RAB5A: variants seen among roughly 807,000 people sequenced by gnomAD.
RAB5A encodes RAB5A, member RAS oncogene family, also known as ras-related protein Rab-5A.
Under a neutral mutation model 25.7 loss-of-function variants are expected in RAB5A, and 8 were observed. The ratio of observed to expected loss-of-function variants is 0.31; its 90% CI spans 0.18 to 0.56. The LOEUF is 0.56. RAB5A is among the 20% of genes least tolerant of loss of function. The pLI is 0.91. For missense variants in RAB5A, 192 were observed against 259.7 expected (o/e 0.74, Z 1.79); for synonymous variants, 98 against 89.8 (o/e 1.09, Z -0.52).
intron 2 of RAB5A, among the ~76,000 whole-genome samples, chr3:19,967,406 A>G (rs1358313380): frequency 6.6e-6 from 1 of 152,020 alleles, no homozygotes; most frequent in Admixed American, 6.6e-5. Context: ...CAGTCTCCCA[A>G]AGTGCTGGGA....
At chr3:19,952,046 G>A (rs1696432510) in intron 2 of RAB5A, among the ~76,000 whole-genome samples, 1 of 152,116 alleles carries the variant, frequency 6.6e-6, no homozygotes, top group Non-Finnish European at 1.5e-5. Flanking sequence ...GAGAGGACGT[G>A]AAATGGGAAA....
In RAB5A at chr3:19,973,842, GAGATATATC is replaced by G. The variant is rs1300812701; in HGVS notation, c.164-1758_164-1750del. On this transcript the variant is annotated intron_variant, in intron 2 of 5. Transcript: ENST00000273047. ...AATAAATGTTGTGTCTAACGTAAAA[GAGATATATC>G]TCATTAGACTTTGTTTCTTTAGCAC... 4.6e-5 allele frequency among the ~76,000 whole-genome samples: 7 copies of G among 152,232 alleles called. No homozygotes were observed. In the South Asian group the frequency reaches 6.2e-4, roughly 14 times the overall value.
At chr3:19,957,893 TG>T (rs1559486880) in intron 2 of RAB5A, among the ~76,000 whole-genome samples, 1 of 152,146 alleles carries the variant, frequency 6.6e-6, no homozygotes, top group Admixed American at 6.5e-5. Context: ...TTAATAAAGC[TG>T]GGGGGAATAA....
chr3:19,971,791 G>A (rs1384482275), intron 2 of RAB5A, among the ~76,000 whole-genome samples: 1 of 152,026 alleles, frequency 6.6e-6, no homozygotes, highest in Non-Finnish European at 1.5e-5. Flanking sequence ...AGTGTTATCA[G>A]GTGAAAAATA....
chr3:19,978,215 TAAG>T (rs1696856562), intron 4 of RAB5A, 92 bp from the exon 5 acceptor site: 18 of 818,908 alleles, frequency 2.2e-5, no homozygotes, highest in South Asian at 1.7e-4. Context: ...GTTGTAGTAA[TAAG>T]AAAGTCTCCT....
chr3:19,984,281 T>A lies in RAB5A; in HGVS notation c.*458T>A, dbSNP rs2125135463. 2.3e-6 allele frequency: 1 copy of A among 429,958 alleles called. No individual in the cohort carries two copies. The highest frequency in any genetic ancestry group is 2.1e-5 in the African/African-American group (1 of 47,942). The allele number at this position is 429,958 out of a possible 1,614,324, so 26.6% of individuals were successfully genotyped here. On this transcript the variant is annotated 3_prime_UTR_variant, in exon 6 of 6. Transcript: ENST00000273047. ...TTAGCCATAGTATTCAGGCAAATGT[T>A]CATTTCTCCTGGTACCTGTATTTAA...
intron 2 of RAB5A, among the ~76,000 whole-genome samples, chr3:19,956,720 A>T (rs1696507815): frequency 6.6e-6 from 1 of 152,236 alleles, no homozygotes; most frequent in South Asian, 2.1e-4. Flanking sequence ...CTGTATCCAG[A>T]TTGAAGTTTT....
chr3:19,966,134 G>A (rs1374592800), intron 2 of RAB5A, among the ~76,000 whole-genome samples: 1 of 152,102 alleles, frequency 6.6e-6, no homozygotes, highest in Non-Finnish European at 1.5e-5. Flanking sequence ...TAACATTGTT[G>A]TGTAACTATC....
At chr3:19,975,822 A>C in intron 3 of RAB5A, 70 bp downstream of exon 3, 9 of 1,466,940 alleles carry the variant, frequency 6.1e-6, no homozygotes, top group Non-Finnish European at 8.3e-6. Context: ...ATTTTGATTA[A>C]ATGTTTTGGA....
chr3:19,956,733 C>T (rs1696508068), intron 2 of RAB5A, among the ~76,000 whole-genome samples: 1 of 152,176 alleles, frequency 6.6e-6, no homozygotes, highest in Non-Finnish European at 1.5e-5. Flanking sequence ...GAAGTTTTTA[C>T]CACAATGCCT....
At chr3:19,974,143 G>A (rs1356046392) in intron 2 of RAB5A, among the ~76,000 whole-genome samples, 1 of 151,042 alleles carries the variant, frequency 6.6e-6, no homozygotes, top group Non-Finnish European at 1.5e-5. Flanking sequence ...TAACAATATT[G>A]TATCATTTTA....
At chr3:19,976,850 G>A (rs377383398) in intron 4 of RAB5A, among the ~76,000 whole-genome samples, 4 of 152,034 alleles carry the variant, frequency 2.6e-5, no homozygotes, top group South Asian at 2.1e-4. Context: ...ATGTACATAC[G>A]CAAACACTTA....
chr3:19,982,975 T>C (rs1353147628), intron 5 of RAB5A, among the ~76,000 whole-genome samples: 1 of 152,178 alleles, frequency 6.6e-6, no homozygotes, highest in African/African-American at 2.4e-5. Context: ...AACGCTGATA[T>C]GAGCTGAGCT....
Position 19,976,245 on chromosome 3 carries a change from G to A in RAB5A, c.438+76G>A, listed in dbSNP as rs965224307. ...TTCTTTCATGTCAACACTTGAATTAGTTATAATGTCAAAACCATGCAAGTA... is the reference window on the plus strand; with the variant it reads ...TTCTTTCATGTCAACACTTGAATTAATTATAATGTCAAAACCATGCAAGTA... On this transcript the variant is annotated intron_variant, in intron 4 of 5. Transcript: ENST00000273047. The A allele has an allele frequency of 9.5e-6, 14 of 1,470,808 alleles. No homozygotes were observed. The Admixed American group carries it at 2.8e-4, about 29-fold the overall frequency. The allele number at this position is 1,470,808 out of a possible 1,614,324, so 91.1% of individuals were successfully genotyped here. A position where few individuals can be genotyped will look rare whatever the true frequency, so the allele number is the denominator to read the frequency against.
At position 19,966,199 on chromosome 3, in the gene RAB5A, C is replaced by T. The variant is rs560654488; in HGVS notation, c.164-9402C>T. ...TGCACCCACTAAACAATAACTACCC[C>T]TTCTTCCCGTGTCTGGCAACTACCA... On this transcript the variant is annotated intron_variant, in intron 2 of 5. Transcript: ENST00000273047. 1.4e-4 allele frequency among the ~76,000 whole-genome samples: 21 copies of T among 152,316 alleles called. No individual in the cohort carries two copies. In the South Asian group the frequency reaches 4.1e-3, roughly 30 times the overall value.
At chr3:19,974,145 A>G (rs1170963639) in intron 2 of RAB5A, among the ~76,000 whole-genome samples, 3 of 151,670 alleles carry the variant, frequency 2.0e-5, no homozygotes, top group Non-Finnish European at 4.4e-5. Context: ...ACAATATTGT[A>G]TCATTTTATA....
At chr3:19,965,360 C>T (rs776170056) in intron 2 of RAB5A, among the ~76,000 whole-genome samples, 1 of 150,738 alleles carries the variant, frequency 6.6e-6, no homozygotes, top group East Asian at 1.9e-4. Flanking sequence ...AGTTCAAGGG[C>T]GCAGTGAACT....
Position 19,984,257 on chromosome 3 carries a change from TAGCC to T in RAB5A, c.*436_*439del, listed in dbSNP as rs1366064860. 2.3e-6 allele frequency: 1 copy of T among 431,148 alleles called. No homozygotes were observed. Among genetic ancestry groups the T allele is most frequent in the African/African-American group, 2.1e-5 (1 of 47,912 alleles). 26.7% of individuals were successfully genotyped at this position (431,148 alleles called of 1,614,324 possible). ...AGATTCTAAAGTTATTTATGATGCT[TAGCC>T]ATAGTATTCAGGCAAATGTTCATTT... On this transcript the variant is annotated 3_prime_UTR_variant, in exon 6 of 6. Coordinates refer to ENST00000273047, the MANE Select transcript of RAB5A (RefSeq NM_004162.5).
At chr3:19,954,423 A>G (rs553103823) in intron 2 of RAB5A, among the ~76,000 whole-genome samples, 6 of 152,212 alleles carry the variant, frequency 3.9e-5, no homozygotes, top group Non-Finnish European at 5.9e-5. Flanking sequence ...GGTGGATATC[A>G]TATGTTACAC....
Sources: allele counts gnomAD v4.1 joint callset (sites outside exome capture counted in the v4.1 genomes callset), GRCh38; gene constraint gnomAD v4.1.1; transcripts MANE v1.5; gene names NCBI Gene and HGNC (gene_info 2026-07-23, HGNC 2026-07-21).